CCDC27: variants seen among roughly 807,000 people sequenced by gnomAD.
The protein encoded by CCDC27 is coiled-coil domain-containing protein 27.
Under a neutral mutation model 80.3 loss-of-function variants are expected in CCDC27, and 80 were observed. The ratio of observed to expected loss-of-function variants is 1.00; its 90% confidence interval spans 0.83 to 1.20. CCDC27 has a LOEUF of 1.20. Ranked by LOEUF, CCDC27 falls within the 50% of genes most tolerant of loss-of-function variation. The probability of loss-of-function intolerance (pLI) is 0.00; values close to 1 mark genes in which losing one functional copy is unlikely to be tolerated. For missense variants in CCDC27, 815 were observed against 809.4 expected (o/e 1.01, Z -0.08); for synonymous variants, 342 against 334.3 (o/e 1.02, Z -0.25).
rs777629008 is a variant in CCDC27 at position 3,763,024 on chromosome 1, G to C, written c.955-84G>C. 1.4e-6 allele frequency: 2 copies of C among 1,411,422 alleles called. No individual in the cohort carries two copies. Among genetic ancestry groups the C allele is most frequent in the Admixed American group, 6.0e-5 (2 of 33,506 alleles). The allele number at this position is 1,411,422 out of a possible 1,614,324, so 87.4% of individuals were successfully genotyped here. A position where few individuals can be genotyped will look rare whatever the true frequency, so the allele number is the denominator to read the frequency against. On this transcript the variant is annotated intron_variant, in intron 6 of 11. Transcript: ENST00000294600. This position sits in a 1 kb window ranked among gnomAD's most constrained non-coding sequence, Gnocchi z 7.5. ...CAGCCTGGAAGGAGGCGCCCTCCCC[G>C]GTGCCCCCGCCATGAGCATTAGAGC...
At chr1:3,754,296 CG>C in intron 2 of CCDC27, 55 bp downstream of exon 2, 4 of 1,514,710 alleles carry the variant, frequency 2.6e-6, no homozygotes, top group Admixed American at 2.1e-5. Context: ...GTCGAGGGGC[CG>C]GGGGAGGCCT....
At chr1:3,764,041 T>C (rs1643167723) in intron 8 of CCDC27, among the ~76,000 whole-genome samples, 1 of 152,306 alleles carries the variant, frequency 6.6e-6, no homozygotes, top group South Asian at 2.1e-4. Context: ...CTGGAGCCCA[T>C]GTGCCCAGCC....
intron 11 of CCDC27, among the ~76,000 whole-genome samples, chr1:3,770,593 C>T (rs556644785): frequency 6.6e-6 from 1 of 152,316 alleles, no homozygotes; most frequent in East Asian, 1.9e-4. Flanking sequence ...TCACCTCTCA[C>T]CAGGAGCTGC....
chr1:3,771,502 CA>C lies in CCDC27; in HGVS notation c.1952del (p.Lys651ArgfsTer?), dbSNP rs1557634621. On this transcript the variant is annotated frameshift_variant, in exon 12 of 12. Transcript: ENST00000294600. LOFTEE classifies it high-confidence loss of function. ...QSEAFLTSKSKKGTSK is the reference protein window; with the variant it reads ...QSEAFLTSKSXKGTSK Reference sequence around the variant, plus strand: ...CAGAGGCCTTCCTGACCAGCAAATCCAAGAAGGGGACCTCCAAGTAGGCCCA... The same window carrying C: ...CAGAGGCCTTCCTGACCAGCAAATCCAGAAGGGGACCTCCAAGTAGGCCCA... 3.1e-6 allele frequency: 5 copies of C among 1,613,828 alleles called. No homozygotes were observed.
Position 3,755,567 on chromosome 1 carries a change from G to A in CCDC27, c.553G>A (p.Gly185Arg), listed in dbSNP as rs758206536. ...GCGGGGCTCAGACACGAACGTGGAC[G>A]GTGAGGGAGCCCCTAGGGCCTCTGC... The part of the protein sequence containing the change: ...ARRGSDTNVD[G>R]YLLPFSKSIC... Residue 185 changes from glycine (G) to arginine (R), a missense_variant and splice_region_variant, in exon 3 of 12, where the codon GGG (glycine) becomes AGG (arginine). Gly to Arg is a moderately radical substitution (Grantham distance 125). Transcript: ENST00000294600. 28 of 1,612,690 alleles carry A rather than the reference G, an allele frequency of 1.7e-5. No individual in the cohort carries two copies. The highest frequency in any genetic ancestry group is 7.7e-5 in the South Asian group (7 of 91,062).
At position 3,763,454 on chromosome 1, in the gene CCDC27, C is replaced by G. The variant is rs1206600217; in HGVS notation, c.1301C>G (p.Thr434Ser). The G allele has an allele frequency of 6.2e-7, 1 of 1,604,566 alleles. No individual in the cohort carries two copies. The highest frequency in any genetic ancestry group is 8.5e-7 in the Non-Finnish European group (1 of 1,175,766). Residue 434 changes from threonine to serine, a missense_variant, in exon 7 of 12, where the codon ACC becomes AGC. Transcript: ENST00000294600. The surrounding 1 kb of genome is among the most constrained non-coding windows in gnomAD (Gnocchi z 7.5). ...DFQFNLEATR[T>S]RYSLATGVIA... The stretch of plus-strand genomic sequence containing the variant: ...CAGTTCAACCTGGAGGCCACCAGGA[C>G]CAGATACTCCCTTGCAACAGGTAGG...
intron 4 of CCDC27, among the ~76,000 whole-genome samples, chr1:3,759,912 T>A (rs1284127680): frequency 6.6e-6 from 1 of 152,334 alleles, no homozygotes; most frequent in African/African-American, 2.4e-5. Flanking sequence ...AGGTCATGCG[T>A]ATGAACCATC....
At chr1:3,753,919 G>A (rs1642886992) in intron 1 of CCDC27, among the ~76,000 whole-genome samples, 199 bp from the exon 2 acceptor site, 1 of 152,022 alleles carries the variant, frequency 6.6e-6, no homozygotes, top group African/African-American at 2.4e-5. Context: ...AGAACCAGGG[G>A]GTTGTTGTGG....
Position 3,752,471 on chromosome 1 carries a change from C to G in CCDC27, c.-11C>G, listed in dbSNP as rs1462301743. ...AGCTGATCTCCTCCCACTGCACCAG[C>G]CAGCAGGTTCATGTTCGAGGCCATC... On this transcript the variant is annotated 5_prime_UTR_variant, in exon 1 of 12. Transcript: ENST00000294600. 6.2e-7 allele frequency: 1 copy of G among 1,612,888 alleles called. No homozygotes were observed. The highest frequency in any genetic ancestry group is 8.5e-7 in the Non-Finnish European group (1 of 1,179,382).
rs148606883 is a variant in CCDC27, at chr1:3,763,407, C to T, written c.1254C>T (p.Tyr418=). Reference sequence around the variant, plus strand: ...AGCTGCTGGCCCAGCTGGAGGAGTACGAGCAGGTCATCCTGGACTTCCAGT... The same window carrying T: ...AGCTGCTGGCCCAGCTGGAGGAGTATGAGCAGGTCATCCTGGACTTCCAGT... The part of the protein sequence containing the change: ...EEELLAQLEE[Y]EQVILDFQFN... Residue 418 remains tyrosine (Y), a synonymous_variant, in exon 7 of 12, where the codon TAC becomes TAT. Coordinates refer to ENST00000294600, the MANE Select transcript of CCDC27 (RefSeq NM_152492.3). The surrounding 1 kb of genome is among the most constrained non-coding windows in gnomAD (Gnocchi z 7.5). The T allele has an allele frequency of 3.2e-3, 5,132 of 1,612,484 alleles. 12 individuals carry two copies. The highest frequency in any genetic ancestry group is 4.0e-3 in the Non-Finnish European group (4,673 of 1,179,778).
chr1:3,763,651 C>T lies in CCDC27; in HGVS notation c.1322-55C>T. Reference sequence around the variant, plus strand: ...GCCGCAGTGGCCCGGCCCTCTCCTTCTGTCCCTCACTGCCCCTGCTTGCTC... The same window carrying T: ...GCCGCAGTGGCCCGGCCCTCTCCTTTTGTCCCTCACTGCCCCTGCTTGCTC... On this transcript the variant is annotated intron_variant, in intron 7 of 11. Coordinates refer to ENST00000294600, the MANE Select transcript of CCDC27 (RefSeq NM_152492.3). This position sits in a 1 kb window ranked among gnomAD's most constrained non-coding sequence, Gnocchi z 7.5. 1 of 1,608,046 alleles carries T rather than the reference C, an allele frequency of 6.2e-7. No individual in the cohort carries two copies. The highest frequency in any genetic ancestry group is 8.5e-7 in the Non-Finnish European group (1 of 1,175,332).
intron 4 of CCDC27, among the ~76,000 whole-genome samples, chr1:3,759,061 A>G (rs1643027965): frequency 6.6e-6 from 1 of 152,072 alleles, no homozygotes; most frequent in African/African-American, 2.4e-5. Flanking sequence ...ATACAAAAAA[A>G]AAAAAAATAG....
rs1487336365 is a variant in CCDC27, at chr1:3,763,254, G to A, written c.1101G>A (p.Glu367=). The change falls in exon 7 of 12, where the codon GAG becomes GAA. Residue 367 remains glutamate, a synonymous_variant. Transcript: ENST00000294600. The surrounding 1 kb of genome is among the most constrained non-coding windows in gnomAD (Gnocchi z 7.5). ...GGVSQMGSVH[E]EGSEEEEEEE... ...TGAGCCAGATGGGATCCGTGCATGA[G>A]GAGGGAAGCGAGGAGGAGGAAGAGG... 14 of 1,573,698 alleles carry A rather than the reference G, an allele frequency of 8.9e-6. No homozygotes were observed. Among genetic ancestry groups the A allele is most frequent in the Non-Finnish European group, 1.2e-5 (14 of 1,158,954 alleles).
Position 3,755,643 on chromosome 1 carries a change from G to A in CCDC27, c.553+76G>A. 1.6e-6 allele frequency: 2 copies of A among 1,257,540 alleles called. 1 individual carries two copies. Among genetic ancestry groups the A allele is most frequent in the South Asian group, 2.4e-5 (2 of 83,244 alleles). The allele number at this position is 1,257,540 out of a possible 1,614,324, so 77.9% of individuals were successfully genotyped here. ...GAGGCCTGCTTCTTGCAGGGTCGCT[G>A]CTTGTGCCCTGCGGAATTCCCTCCC... On this transcript the variant is annotated intron_variant, in intron 3 of 11. Coordinates refer to ENST00000294600, the MANE Select transcript of CCDC27 (RefSeq NM_152492.3).
chr1:3,770,938 AGAG>A lies in CCDC27; in HGVS notation c.1849-459_1849-457del, dbSNP rs200840516. ...CTGACATGAACCAGCAACGGCCCAG[AGAG>A]GAGAATGGAAGAGAGGTGGGGACAA... is the stretch of plus-strand genomic sequence containing the variant. On this transcript the variant is annotated intron_variant, in intron 11 of 11. Transcript: ENST00000294600. Among the ~76,000 whole-genome samples the A allele has an allele frequency of 8.3e-3, 1,258 of 152,284 alleles. 10 individuals are homozygous for A. Among genetic ancestry groups the A allele is most frequent in the South Asian group, 0.037 (179 of 4,820 alleles).
intron 4 of CCDC27, among the ~76,000 whole-genome samples, chr1:3,759,497 A>G (rs923134403): frequency 9.9e-5 from 15 of 152,204 alleles, no homozygotes; most frequent in African/African-American, 3.4e-4. Context: ...CAATTTTAAT[A>G]ACCTTCTCTT....
In CCDC27 at chr1:3,768,088, CTTTTTTTTT is replaced by C. The variant is rs775378587; in HGVS notation, c.1743+657_1743+665del. On this transcript the variant is annotated intron_variant, in intron 10 of 11. Coordinates refer to ENST00000294600, the MANE Select transcript of CCDC27 (RefSeq NM_152492.3). This position sits in a 1 kb window ranked among gnomAD's most constrained non-coding sequence, Gnocchi z 5.6. ...AAAAGGAAATCAATAAAGAGCTGACCTTTTTTTTTTTTTTTTTTTTTTCTGAGACAGGGT... is the reference window on the plus strand; with the variant it reads ...AAAAGGAAATCAATAAAGAGCTGACCTTTTTTTTTTTTTCTGAGACAGGGT... Among the ~76,000 whole-genome samples the C allele has an allele frequency of 7.5e-5, 9 of 120,330 alleles. No individual in the cohort carries two copies. The highest frequency in any genetic ancestry group is 2.6e-4 in the Admixed American group (3 of 11,464). 78.9% of individuals were successfully genotyped at this position (120,330 alleles called of 152,430 possible).
Position 3,769,787 on chromosome 1 carries a change from A to G in CCDC27, c.1748A>G (p.Glu583Gly). 1 of 1,613,420 alleles carries G rather than the reference A, an allele frequency of 6.2e-7. No individual in the cohort carries two copies. Residue 583 changes from glutamate (E) to glycine (G), a missense_variant, in exon 11 of 12, where the codon GAG becomes GGG. Physicochemically the swap from Glu to Gly is moderately conservative, Grantham distance 98 (BLOSUM62 -2). Transcript: ENST00000294600. This position sits in a 1 kb window ranked among gnomAD's most constrained non-coding sequence, Gnocchi z 4.6. ...GTGTTGTCCCTTTGCTCACAGCTCGAGAGGTTAAGGAATAAGATCATCCAG... is the reference window on the plus strand; with the variant it reads ...GTGTTGTCCCTTTGCTCACAGCTCGGGAGGTTAAGGAATAAGATCATCCAG... ...VALESSQSRLERLRNKIIQAT... is the reference protein window; with the variant it reads ...VALESSQSRLGRLRNKIIQAT...
intron 11 of CCDC27, among the ~76,000 whole-genome samples, chr1:3,770,504 G>A (rs1015402063): frequency 6.6e-6 from 1 of 152,244 alleles, no homozygotes; most frequent in Admixed American, 6.5e-5. Context: ...ATGCTCACCT[G>A]CAAGGTGTCG....
Sources: allele counts gnomAD v4.1 joint callset (sites outside exome capture counted in the v4.1 genomes callset), GRCh38; gene constraint gnomAD v4.1.1; non-coding constraint Gnocchi (gnomAD v3.1); transcripts MANE v1.5; gene names NCBI Gene and HGNC (gene_info 2026-07-23, HGNC 2026-07-21).